ARFGEF1: variants seen among roughly 807,000 people sequenced by gnomAD.
ARFGEF1 encodes the protein brefeldin A-inhibited guanine nucleotide-exchange protein 1.
ARFGEF1 carries 42 observed loss-of-function variants against 231.0 expected under a neutral mutation model. That is an observed-to-expected ratio of 0.18 (90% CI 0.14 to 0.24). The LOEUF is 0.24. Among genes scored for constraint, ARFGEF1 ranks in the 10% least tolerant of loss-of-function variants. ARFGEF1 has a pLI of 1.00. For synonymous variants in ARFGEF1, 710 were observed against 732.3 expected (o/e 0.97, Z 0.49); for missense variants, 1,345 against 2,192.0 (o/e 0.61, Z 7.72).
chr8:67,313,824 C>T (rs1486095994), intron 1 of ARFGEF1, among the ~76,000 whole-genome samples: 1 of 152,104 alleles, frequency 6.6e-6, no homozygotes, highest in Non-Finnish European at 1.5e-5. Flanking sequence ...CTAGAACTCC[C>T]AAGATTATAC....
chr8:67,195,489 A>G (rs1173036818), downstream of ARFGEF1: 2 of 1,614,216 alleles, frequency 1.2e-6, no homozygotes, highest in Non-Finnish European at 1.7e-6. Context: ...CACTTCAGAA[A>G]CGCTGAAACG....
At chr8:67,177,590 G>A in intron 5 of ARFGEF1, 1 of 784,480 alleles carries the variant, frequency 1.3e-6, no homozygotes, top group South Asian at 1.6e-5. Flanking sequence ...TTCCAGTAGA[G>A]AGCTAGTCAA....
intron 29 of ARFGEF1, among the ~76,000 whole-genome samples, chr8:67,223,319 G>A (rs947560075): frequency 6.6e-6 from 1 of 152,036 alleles, no homozygotes; most frequent in African/African-American, 2.4e-5. Context: ...AGGCAATCCC[G>A]CCTCAGCCTC....
Position 67,197,694 on chromosome 8 carries a change from T to C in ARFGEF1, c.*1240A>G, listed in dbSNP as rs908500377. 1 of 985,856 alleles carries C rather than the reference T, an allele frequency of 1.0e-6. No homozygotes were observed. The highest frequency in any genetic ancestry group is 1.7e-5 in the African/African-American group (1 of 57,368). 61.1% of individuals were successfully genotyped at this position (985,856 alleles called of 1,614,324 possible). A position where few individuals can be genotyped will look rare whatever the true frequency, so the allele number is the denominator to read the frequency against. On this transcript the variant is annotated 3_prime_UTR_variant, in exon 39 of 39. Transcript: ENST00000262215. Reference sequence around the variant, plus strand: ...CTGATGAAATAATTCAAAAACTTTATTGACCTATAACCTGATTAGAATATG... The same window carrying C: ...CTGATGAAATAATTCAAAAACTTTACTGACCTATAACCTGATTAGAATATG...
intron 16 of ARFGEF1, 113 bp downstream of exon 16, chr8:67,257,972 T>C: frequency 8.4e-7 from 1 of 1,189,090 alleles, no homozygotes; most frequent in Non-Finnish European, 1.2e-6. Flanking sequence ...TTGTAGACAA[T>C]CTAAATTCTC....
rs544205110 is a variant in ARFGEF1, at chr8:67,294,530, T to C, written c.639+1901A>G. Among the ~76,000 whole-genome samples the C allele has an allele frequency of 2.6e-5, 4 of 152,290 alleles. No homozygotes were observed. The South Asian group carries it at 8.3e-4, about 32-fold the overall frequency. ...ATTTGTTTCTCACACTGGTAATGAT[T>C]AGCAATTCTAAAACTAATGGGTATA... On this transcript the variant is annotated intron_variant, in intron 5 of 38. Coordinates refer to ENST00000262215, the MANE Select transcript of ARFGEF1 (RefSeq NM_006421.5).
At chr8:67,192,406 T>C (rs944189768) in intron 5 of ARFGEF1, among the ~76,000 whole-genome samples, 1 of 152,208 alleles carries the variant, frequency 6.6e-6, no homozygotes, top group Admixed American at 6.5e-5. Context: ...ATTGTCTTTT[T>C]ATTGAGTTGT....
At chr8:67,177,096 A>T (rs936939798) in intron 5 of ARFGEF1, among the ~76,000 whole-genome samples, 2 of 151,596 alleles carry the variant, frequency 1.3e-5, no homozygotes, top group African/African-American at 4.8e-5. Flanking sequence ...AAAAAAAAGA[A>T]TATGGCCTCA....
rs1277478903 is a variant in ARFGEF1, at chr8:67,258,075, C to A, written c.2441+10G>T. Reference sequence around the variant, plus strand: ...AACAGACAATCAATGAGCATTTGAACCTTATTTACCCTTGGTTGCATTCTA... The same window carrying A: ...AACAGACAATCAATGAGCATTTGAAACTTATTTACCCTTGGTTGCATTCTA... On this transcript the variant is annotated intron_variant, in intron 16 of 38. Transcript: ENST00000262215. 1.2e-6 allele frequency: 2 copies of A among 1,603,502 alleles called. No homozygotes were observed. Among genetic ancestry groups the A allele is most frequent in the African/African-American group, 2.7e-5 (2 of 74,630 alleles).
At chr8:67,277,861 C>T (rs1371671217) in intron 7 of ARFGEF1, among the ~76,000 whole-genome samples, 1 of 152,096 alleles carries the variant, frequency 6.6e-6, no homozygotes, top group Admixed American at 6.6e-5. Context: ...TTTATTGTAG[C>T]CTTTAAGTTG....
intron 33 of ARFGEF1, among the ~76,000 whole-genome samples, chr8:67,214,163 A>G (rs1340469048): frequency 6.6e-6 from 1 of 152,208 alleles, no homozygotes; most frequent in Non-Finnish European, 1.5e-5. Context: ...AGCATCTACC[A>G]TCTTAGAGAA....
At chr8:67,285,988 GA>G (rs934076009) in intron 7 of ARFGEF1, among the ~76,000 whole-genome samples, 2 of 150,594 alleles carry the variant, frequency 1.3e-5, no homozygotes, top group Non-Finnish European at 3.0e-5. Flanking sequence ...ATTTAGAAAA[GA>G]AAAAAAAGGA....
At chr8:67,175,932 G>C (rs1831512727) in intron 5 of ARFGEF1, among the ~76,000 whole-genome samples, 1 of 152,216 alleles carries the variant, frequency 6.6e-6, no homozygotes, top group South Asian at 2.1e-4. Flanking sequence ...GTGGTTACTA[G>C]GAGTGCAGGT....
At position 67,343,416 on chromosome 8, in the gene ARFGEF1, G is replaced by A; in HGVS notation, c.-129C>T. 1.4e-6 allele frequency: 2 copies of A among 1,437,080 alleles called. No individual in the cohort carries two copies. Among genetic ancestry groups the A allele is most frequent in the Non-Finnish European group, 1.8e-6 (2 of 1,090,744 alleles). The allele number at this position is 1,437,080 out of a possible 1,614,324, so 89.0% of individuals were successfully genotyped here. On this transcript the variant is annotated 5_prime_UTR_variant, in exon 1 of 39. Coordinates refer to ENST00000262215, the MANE Select transcript of ARFGEF1 (RefSeq NM_006421.5). ...GAGGTGGGGGATTGGAGGCGTGGAG[G>A]GCAGCGGCAGGATCAGGAAGGGGCG...
Position 67,338,135 on chromosome 8 carries a change from A to G in ARFGEF1, c.124+5029T>C, listed in dbSNP as rs893551814. On this transcript the variant is annotated intron_variant, in intron 1 of 38. Coordinates refer to ENST00000262215, the MANE Select transcript of ARFGEF1 (RefSeq NM_006421.5). The stretch of plus-strand genomic sequence containing the variant: ...GTTACCTGCCCCTAGATGGGGTGGG[A>G]AAGAAAGCTAGTCAGCAAACAGTCC... 3.9e-5 allele frequency among the ~76,000 whole-genome samples: 6 copies of G among 152,210 alleles called. No individual in the cohort carries two copies. In the South Asian group the frequency reaches 1.2e-3, roughly 32 times the overall value.
chr8:67,291,419 C>CTTTT (rs58068449), intron 6 of ARFGEF1, among the ~76,000 whole-genome samples: 96 of 145,656 alleles, frequency 6.6e-4, no homozygotes, highest in Middle Eastern at 7.2e-3. Context: ...AATTTCAGTA[C>CTTTT]TTTTTTTTTT....
chr8:67,281,048 T>C (rs1278301072), intron 7 of ARFGEF1, among the ~76,000 whole-genome samples: 1 of 145,690 alleles, frequency 6.9e-6, no homozygotes, highest in Non-Finnish European at 1.5e-5. Context: ...CAGAGAAAAA[T>C]GGGGTTCTTG....
chr8:67,263,158 C>A (rs1377049870), intron 14 of ARFGEF1, among the ~76,000 whole-genome samples: 2 of 152,192 alleles, frequency 1.3e-5, no homozygotes, highest in African/African-American at 2.4e-5. Flanking sequence ...TCTATTTCCT[C>A]TGCATGTCTT....
chr8:67,299,997 C>T (rs1806406590), intron 3 of ARFGEF1, among the ~76,000 whole-genome samples: 1 of 151,944 alleles, frequency 6.6e-6, no homozygotes, highest in African/African-American at 2.4e-5. Context: ...TTGCTTATTG[C>T]TTTCCACATA....
Sources: allele counts gnomAD v4.1 joint callset (sites outside exome capture counted in the v4.1 genomes callset), GRCh38; gene constraint gnomAD v4.1.1; transcripts MANE v1.5; gene names NCBI Gene and HGNC (gene_info 2026-07-23, HGNC 2026-07-21).